The following NUP42 variants were observed in gnomAD, a reference collection of about 807,000 sequenced individuals.
The protein encoded by NUP42 is nucleoporin NUP42.
NUP42 carries 47 observed loss-of-function variants against 35.9 expected under a neutral mutation model. The ratio of observed to expected loss-of-function variants is 1.31; its 90% CI spans 1.04 to 1.67. The LOEUF (loss-of-function observed/expected upper bound fraction) is 1.67, where lower values mean the gene tolerates loss of function less well. Ranked by LOEUF, NUP42 falls within the 40% of genes most tolerant of loss-of-function variation. NUP42 has a pLI of 0.00. For missense variants in NUP42, 514 were observed against 492.2 expected, an observed-to-expected ratio of 1.04 and a Z score of -0.42; for synonymous variants, 173 against 173.3, an observed-to-expected ratio of 1.00 and a Z score of 0.01.
At chr7:23,183,252 T>C (rs1236788368) in intron 1 of NUP42, among the ~76,000 whole-genome samples, 1 of 152,180 alleles carries the variant, frequency 6.6e-6, no homozygotes, top group Non-Finnish European at 1.5e-5. Context: ...ATTTTTTTAT[T>C]TTATTTTGAG....
At position 23,200,639 on chromosome 7, in the gene NUP42, C is replaced by A. The variant is rs1232876823; in HGVS notation, c.1166C>A (p.Pro389His). The A allele has an allele frequency of 4.3e-6, 7 of 1,613,684 alleles. No individual in the cohort carries two copies. The highest frequency in any genetic ancestry group is 5.9e-6 in the Non-Finnish European group (7 of 1,179,790). Reference sequence around the variant, plus strand: ...GCAACAGATAATGTGTTATTCACACCCAGAGATAAACTAACAGTAGAAGAA... The same window carrying A: ...GCAACAGATAATGTGTTATTCACACACAGAGATAAACTAACAGTAGAAGAA... ...IIATDNVLFT[P>H]RDKLTVEELE... The change falls in exon 7 of 7, where the codon CCC (proline) becomes CAC (histidine). Residue 389 changes from proline (P) to histidine (H), a missense_variant. By Grantham distance (77) the Pro-to-His change is moderately conservative. Coordinates refer to ENST00000258742, the MANE Select transcript of NUP42 (RefSeq NM_007342.3).
chr7:23,199,647 C>A, intron 6 of NUP42, 105 bp downstream of exon 6: 1 of 941,186 alleles, frequency 1.1e-6, no homozygotes, highest in Non-Finnish European at 1.7e-6. Flanking sequence ...TTCGTAAATT[C>A]TACAACCTTC....
chr7:23,192,447 T>G (rs893004211), intron 3 of NUP42, among the ~76,000 whole-genome samples: 1 of 148,588 alleles, frequency 6.7e-6, no homozygotes, highest in Non-Finnish European at 1.5e-5. Flanking sequence ...CTGTGGAGGC[T>G]GAGGCAGGAG....
chr7:23,184,964 C>T, intron 1 of NUP42, 106 bp from the exon 2 acceptor site: 7 of 881,932 alleles, frequency 7.9e-6, no homozygotes, highest in Non-Finnish European at 1.2e-5. Flanking sequence ...CAAGATCATG[C>T]CACTGTACTC....
In NUP42 at chr7:23,200,291, C is replaced by G; in HGVS notation, c.818C>G (p.Ala273Gly). The change falls in exon 7 of 7, where the codon GCT becomes GGT. Residue 273 changes from alanine (A) to glycine (G), a missense_variant. Ala to Gly is a moderately conservative substitution (Grantham distance 60, BLOSUM62 0). Transcript: ENST00000258742. ...TTTGGGAGTTCCCCAGCATTTGGAG[C>G]TGCAGCCTCTACCAGTTCAGGTATC... The part of the protein sequence containing the change: ...AGFGSSPAFG[A>G]AASTSSGIST... The G allele has an allele frequency of 6.2e-7, 1 of 1,602,616 alleles. No homozygotes were observed. The highest frequency in any genetic ancestry group is 8.5e-7 in the Non-Finnish European group (1 of 1,172,878).
Position 23,182,116 on chromosome 7 carries a change from C to A in NUP42, c.31C>A (p.Arg11=), listed in dbSNP as rs370296256. Residue 11 remains arginine (R), a synonymous_variant, in exon 1 of 7, where the codon CGG becomes AGG. Coordinates refer to ENST00000258742, the MANE Select transcript of NUP42 (RefSeq NM_007342.3). Reference sequence around the variant, plus strand: ...CATTTGTCAATTCTTCCTTCAAGGCCGGTGCCGCTTTGGAGATCGGTGCTG... The same window carrying A: ...CATTTGTCAATTCTTCCTTCAAGGCAGGTGCCGCTTTGGAGATCGGTGCTG... The part of the protein sequence containing the change: MAICQFFLQG[R]CRFGDRCWNE... The A allele has an allele frequency of 6.2e-7, 1 of 1,614,186 alleles. No individual in the cohort carries two copies. The highest frequency in any genetic ancestry group is 1.7e-5 in the Admixed American group (1 of 60,034).
At chr7:23,188,722 C>A in intron 3 of NUP42, 1 of 256,306 alleles carries the variant, frequency 3.9e-6, no homozygotes, top group Non-Finnish European at 6.1e-6. Flanking sequence ...TTTGCTAAGT[C>A]TGGCAACTTT....
chr7:23,185,614 A>G (rs1785565408), intron 2 of NUP42, among the ~76,000 whole-genome samples: 1 of 152,220 alleles, frequency 6.6e-6, no homozygotes, highest in Non-Finnish European at 1.5e-5. Flanking sequence ...TGATAACACT[A>G]TATTGTGAAT....
rs563234241 is a variant in NUP42 at position 23,189,660 on chromosome 7, C to G, written c.445+2514C>G. ...GTGCACGGTGGCTCACACCTGTAAT[C>G]CCAGCACTTTGGGAGGCCGAGGTGG... On this transcript the variant is annotated intron_variant, in intron 3 of 6. Transcript: ENST00000258742. Among the ~76,000 whole-genome samples, 372 of 151,068 alleles carry G rather than the reference C, an allele frequency of 2.5e-3. 2 individuals carry two copies. The highest frequency in any genetic ancestry group is 3.8e-3 in the Non-Finnish European group (256 of 67,846).
rs1786182452 is a variant in NUP42, at chr7:23,200,482, G to A, written c.1009G>A (p.Gly337Arg). ...PVRAPVAPAF[G>R]GGSSVAGFGS... ...CAGAGCTCCAGTGGCCCCAGCCTTT[G>A]GAGGTGGCAGTTCTGTGGCTGGTTT... Residue 337 changes from glycine (G) to arginine (R), a missense_variant, in exon 7 of 7, where the codon GGA becomes AGA. Physicochemically the swap from Gly to Arg is moderately radical, Grantham distance 125 (BLOSUM62 -2). Transcript: ENST00000258742. 5 of 1,614,052 alleles carry A rather than the reference G, an allele frequency of 3.1e-6. No individual in the cohort carries two copies. In the African/African-American group the frequency reaches 4.0e-5, roughly 13 times the overall value.
chr7:23,192,945 C>T (rs549166875), intron 3 of NUP42, among the ~76,000 whole-genome samples: 2 of 152,166 alleles, frequency 1.3e-5, no homozygotes, highest in East Asian at 1.9e-4. Flanking sequence ...TTAAAGACAT[C>T]GTGTCCGGAG....
chr7:23,192,890 C>G (rs1291734474), intron 3 of NUP42, among the ~76,000 whole-genome samples: 1 of 152,224 alleles, frequency 6.6e-6, no homozygotes, highest in Non-Finnish European at 1.5e-5. Flanking sequence ...GTCTCACTGA[C>G]TTCAAGAATG....
intron 1 of NUP42, among the ~76,000 whole-genome samples, chr7:23,182,787 G>T (rs1190088023): frequency 1.4e-5 from 2 of 147,564 alleles, no homozygotes; most frequent in Non-Finnish European, 3.0e-5. Flanking sequence ...GGTGGCGCGC[G>T]CCTGTAATCC....
At chr7:23,198,117 C>A (rs1173905627) in intron 5 of NUP42, 1 of 151,640 alleles carries the variant, frequency 6.6e-6, no homozygotes, top group African/African-American at 2.4e-5. Flanking sequence ...CATGGTGGCA[C>A]ACGCCTGTAA....
At chr7:23,185,358 C>T in intron 2 of NUP42, 60 bp downstream of exon 2, 2 of 1,123,846 alleles carry the variant, frequency 1.8e-6, no homozygotes, top group Non-Finnish European at 2.6e-6. Context: ...CACCTACAAT[C>T]TTTGTTGTTT....
At chr7:23,197,161 T>C in intron 5 of NUP42, 5 of 1,272,804 alleles carry the variant, frequency 3.9e-6, no homozygotes, top group Non-Finnish European at 5.2e-6. Flanking sequence ...GTATGTTCCT[T>C]GTCTTAAACA....
In NUP42 at chr7:23,200,537, CT is replaced by C. The variant is rs779468098; in HGVS notation, c.1069del (p.Ser357LeufsTer37). ...AGTCCGGGCTCACATTCTCACACTG[CT>C]TTTTCTAAGCCATCCAGTGACACTT... ...FGSPGSHSHTAFSKPSSDTFG... is the reference protein window; with the variant it reads ...FGSPGSHSHTXFSKPSSDTFG... On this transcript the variant is annotated frameshift_variant, in exon 7 of 7. Transcript: ENST00000258742. LOFTEE classifies it high-confidence loss of function. 1 of 1,614,096 alleles carries C rather than the reference CT, an allele frequency of 6.2e-7. No homozygotes were observed. Among genetic ancestry groups the C allele is most frequent in the Non-Finnish European group, 8.5e-7 (1 of 1,179,994 alleles).
chr7:23,197,350 A>G (rs1257902823), intron 5 of NUP42: 1 of 518,520 alleles, frequency 1.9e-6, no homozygotes, highest in Non-Finnish European at 3.2e-6. Flanking sequence ...CCAATTTCTC[A>G]GATGGTTTCT....
In NUP42 at chr7:23,195,893, C is replaced by T; in HGVS notation, c.500C>T (p.Thr167Ile). The change falls in exon 4 of 7, where the codon ACC (threonine) becomes ATC (isoleucine). Residue 167 changes from threonine to isoleucine, a missense_variant. Thr to Ile is a moderately conservative substitution (Grantham distance 89). Transcript: ENST00000258742. ...ELRLEYHNFL[T>I]SNNLQSYLNS... ...AGGCTTGAATACCATAACTTCTTAACCAGCAATAACTTACAGAGTTATGTA... is the reference window on the plus strand; with the variant it reads ...AGGCTTGAATACCATAACTTCTTAATCAGCAATAACTTACAGAGTTATGTA... 2 of 1,603,090 alleles carry T rather than the reference C, an allele frequency of 1.2e-6. No individual in the cohort carries two copies. The highest frequency in any genetic ancestry group is 1.3e-5 in the African/African-American group (1 of 74,730).
Sources: gnomAD v4.1 joint callset for allele counts (sites outside exome capture counted in the v4.1 genomes callset) on GRCh38, gnomAD v4.1.1 for gene constraint, MANE v1.5 for transcripts, NCBI Gene and HGNC (gene_info 2026-07-23, HGNC 2026-07-21) for gene names.